STEAP2: variants seen among roughly 807,000 people sequenced by gnomAD.
STEAP2 encodes the protein STEAP2 metalloreductase, also known as metalloreductase STEAP2.
Under a neutral mutation model 46.4 loss-of-function variants are expected in STEAP2, and 30 were observed. The observed-to-expected ratio is 0.65, with a 90% confidence interval of 0.48 to 0.88. The LOEUF (loss-of-function observed/expected upper bound fraction) is 0.88. STEAP2 is among the 40% of genes least tolerant of loss of function. STEAP2 has a pLI of 0.00. For missense variants in STEAP2, 513 were observed against 579.3 expected (o/e 0.89, Z 1.18); for synonymous variants, 180 against 200.5 (o/e 0.90, Z 0.86).
At chr7:90,221,078 A>G (rs1795239915) in intron 2 of STEAP2, among the ~76,000 whole-genome samples, 1 of 152,162 alleles carries the variant, frequency 6.6e-6, no homozygotes, top group Non-Finnish European at 1.5e-5. Context: ...TGTGCTGATG[A>G]GAATTTGTAT....
Position 90,227,404 on chromosome 7 carries a change from G to A in STEAP2, c.926G>A (p.Ser309Asn). The A allele has an allele frequency of 6.2e-7, 1 of 1,612,742 alleles. No homozygotes were observed. ...TGTAGAAAACAGCTTGGATTACTAA[G>A]TTTTTTCTTCGCTATGGTCCATGTT... ...LQCRKQLGLL[S>N]FFFAMVHVAY... Residue 309 changes from serine to asparagine, a missense_variant, in exon 4 of 6, where the codon AGT becomes AAT. By Grantham distance (46) the Ser-to-Asn change is conservative. Transcript: ENST00000394621.
chr7:90,222,626 G>C (rs930354986), intron 2 of STEAP2, among the ~76,000 whole-genome samples: 2 of 152,146 alleles, frequency 1.3e-5, no homozygotes, highest in African/African-American at 4.8e-5. Flanking sequence ...CTGTCTCTTA[G>C]GGTGGTTGTG....
In STEAP2 at chr7:90,234,667, C is replaced by T. The variant is rs1013703623; in HGVS notation, c.*2043C>T. 29 of 556,260 alleles carry T rather than the reference C, an allele frequency of 5.2e-5. No individual in the cohort carries two copies. In the African/African-American group the frequency reaches 5.4e-4, roughly 10 times the overall value. The allele number at this position is 556,260 out of a possible 1,614,324, so 34.5% of individuals were successfully genotyped here. On this transcript the variant is annotated 3_prime_UTR_variant, in exon 6 of 6. Transcript: ENST00000394621. ...CCGGGTTCACGCCATTCTCCTGCCT[C>T]AGCCTCCCGAGTAGCTGGGACTACA...
At position 90,234,178 on chromosome 7, in the gene STEAP2, C is replaced by T. The variant is rs1055207855; in HGVS notation, c.*1554C>T. 6 of 985,222 alleles carry T rather than the reference C, an allele frequency of 6.1e-6. No individual in the cohort carries two copies. In the Admixed American group the frequency reaches 3.7e-4, roughly 61 times the overall value. The allele number at this position is 985,222 out of a possible 1,614,324, so 61.0% of individuals were successfully genotyped here. A position where few individuals can be genotyped will look rare whatever the true frequency, so the allele number is the denominator to read the frequency against. On this transcript the variant is annotated 3_prime_UTR_variant, in exon 6 of 6. Coordinates refer to ENST00000394621, the MANE Select transcript of STEAP2 (RefSeq NM_001244944.2). ...GGGTAAGTGGCTAATTATAAATCTA[C>T]TCTAGAGACATATAATCATACAGAT...
chr7:90,220,758 C>T (rs1051856189), intron 2 of STEAP2, among the ~76,000 whole-genome samples: 2 of 151,986 alleles, frequency 1.3e-5, no homozygotes, highest in African/African-American at 4.8e-5. Flanking sequence ...GGTGTAGGTG[C>T]TTGTTGATAT....
Position 90,235,390 on chromosome 7 carries a change from T to G in STEAP2, c.*2766T>G. The stretch of plus-strand genomic sequence containing the variant: ...ACTATGATGTTTAGTTGCTTTATTT[T>G]ACCTCTATGTGATTATTTTTCTTAA... On this transcript the variant is annotated 3_prime_UTR_variant, in exon 6 of 6. Coordinates refer to ENST00000394621, the MANE Select transcript of STEAP2 (RefSeq NM_001244944.2). 1 of 969,502 alleles carries G rather than the reference T, an allele frequency of 1.0e-6. No individual in the cohort carries two copies. The highest frequency in any genetic ancestry group is 1.2e-6 in the Non-Finnish European group (1 of 815,316). 60.1% of individuals were successfully genotyped at this position (969,502 alleles called of 1,614,324 possible). A position where few individuals can be genotyped will look rare whatever the true frequency, so the allele number is the denominator to read the frequency against.
In STEAP2 at chr7:90,237,613, T is replaced by G. The variant is rs1167834239; in HGVS notation, c.*4989T>G. On this transcript the variant is annotated 3_prime_UTR_variant, in exon 6 of 6. Transcript: ENST00000394621. ...TTAAATAAAAAGTACTATTTAATGA[T>G]TTAACTTCTGTTTTGAAATGTTGTA... is the stretch of plus-strand genomic sequence containing the variant. The G allele has an allele frequency of 6.5e-6, 1 of 154,458 alleles. No individual in the cohort carries two copies. Among genetic ancestry groups the G allele is most frequent in the Non-Finnish European group, 1.4e-5 (1 of 69,404 alleles). The allele number at this position is 154,458 out of a possible 1,614,324, so 9.6% of individuals were successfully genotyped here.
chr7:90,238,660 T>G (rs1172449033), downstream of STEAP2, among the ~76,000 whole-genome samples: 1 of 152,236 alleles, frequency 6.6e-6, no homozygotes, highest in African/African-American at 2.4e-5. Context: ...TTTTCCTCAC[T>G]TCTGTTTCTC....
Position 90,232,345 on chromosome 7 carries a change from T to A in STEAP2, c.1194T>A (p.Leu398=). ...TCCTCTCCTGGCCCAAGTCTACACT[T>A]GGATATGTCGCTCTGCTCATAAGTA... ...WREFSFIQST[L]GYVALLISTF... is the part of the protein sequence containing the mutation. Residue 398 remains leucine, a synonymous_variant, in exon 6 of 6, where the codon CTT becomes CTA. Transcript: ENST00000394621. 1 of 1,601,308 alleles carries A rather than the reference T, an allele frequency of 6.2e-7. No homozygotes were observed.
At chr7:90,241,064 G>C (rs891243962), downstream of STEAP2, among the ~76,000 whole-genome samples, 3 of 152,110 alleles carry the variant, frequency 2.0e-5, no homozygotes, top group Admixed American at 2.0e-4. Context: ...TATTATTTGG[G>C]AACAAAGGAC....
At chr7:90,225,733 G>A (rs1795463042) in intron 3 of STEAP2, among the ~76,000 whole-genome samples, 159 bp downstream of exon 3, 1 of 152,066 alleles carries the variant, frequency 6.6e-6, no homozygotes, top group Non-Finnish European at 1.5e-5. Flanking sequence ...GACCTTGTAA[G>A]GGCACATTCC....
chr7:90,236,626 A>G lies in STEAP2; in HGVS notation c.*4002A>G. 1 of 1,143,310 alleles carries G rather than the reference A, an allele frequency of 8.7e-7. No individual in the cohort carries two copies. The highest frequency in any genetic ancestry group is 1.6e-5 in the African/African-American group (1 of 61,636). 70.8% of individuals were successfully genotyped at this position (1,143,310 alleles called of 1,614,324 possible). ...TGAATGGGTTCTTCACTTTTTTTTT[A>G]GTATGAGAAAATTATACAGTGCTTA... On this transcript the variant is annotated 3_prime_UTR_variant, in exon 6 of 6. Transcript: ENST00000394621.
At position 90,227,233 on chromosome 7, in the gene STEAP2, T is replaced by C. The variant is rs1418245275; in HGVS notation, c.755T>C (p.Ile252Thr). 1.2e-6 allele frequency: 2 copies of C among 1,613,856 alleles called. No homozygotes were observed. Among genetic ancestry groups the C allele is most frequent in the East Asian group, 2.2e-5 (1 of 44,876 alleles). Reference protein sequence around the residue: ...NQQSDFYKIPIEIVNKTLPIV... With the variant: ...NQQSDFYKIPTEIVNKTLPIV... ...CAGAGTGACTTTTACAAAATTCCTA[T>C]AGAGATTGTGAATAAAACCTTACCT... The change falls in exon 4 of 6, where the codon ATA becomes ACA. Residue 252 changes from isoleucine to threonine, a missense_variant. Coordinates refer to ENST00000394621, the MANE Select transcript of STEAP2 (RefSeq NM_001244944.2).
At chr7:90,242,179 T>C (rs1584259830), downstream of STEAP2, among the ~76,000 whole-genome samples, 1 of 152,140 alleles carries the variant, frequency 6.6e-6, no homozygotes, top group East Asian at 1.9e-4. Context: ...TCAGGGGTTT[T>C]TAAATGTTAG....
intron 1 of STEAP2, among the ~76,000 whole-genome samples, chr7:90,214,051 A>G (rs1005315051): frequency 1.3e-5 from 2 of 152,186 alleles, no homozygotes; most frequent in African/African-American, 2.4e-5. Context: ...GACGATTTAC[A>G]TTTTAAGATG....
Position 90,229,904 on chromosome 7 carries a change from G to T in STEAP2, c.1053G>T (p.Glu351Asp), listed in dbSNP as rs759796385. The T allele has an allele frequency of 2.9e-5, 47 of 1,613,082 alleles. No individual in the cohort carries two copies. In the South Asian group the frequency reaches 5.0e-4, roughly 17 times the overall value. Residue 351 changes from glutamate to aspartate, a missense_variant, in exon 5 of 6, where the codon GAG becomes GAT. By Grantham distance (45) the Glu-to-Asp change is conservative (BLOSUM62 2). Coordinates refer to ENST00000394621, the MANE Select transcript of STEAP2 (RefSeq NM_001244944.2). Reference sequence around the variant, plus strand: ...CAAATATTGAAAACTCTTGGAATGAGGAAGAAGTTTGGAGAATTGAAATGT... The same window carrying T: ...CAAATATTGAAAACTCTTGGAATGATGAAGAAGTTTGGAGAATTGAAATGT... ...VHANIENSWN[E>D]EEVWRIEMYI...
At chr7:90,242,501 T>C (rs1322511342), downstream of STEAP2, among the ~76,000 whole-genome samples, 2 of 152,112 alleles carry the variant, frequency 1.3e-5, no homozygotes, top group Non-Finnish European at 2.9e-5. Context: ...TCTTTCCTGA[T>C]CCTGAGATGC....
At chr7:90,212,828 AC>A (rs1237692350) in intron 1 of STEAP2, among the ~76,000 whole-genome samples, 1 of 38,816 alleles carries the variant, frequency 2.6e-5, no homozygotes, top group Non-Finnish European at 5.7e-5. Flanking sequence ...CCCCACCCCC[AC>A]CCCCACCCCC....
At chr7:90,225,017 TA>T in intron 2 of STEAP2, 32 bp from the exon 3 acceptor site, 2 of 1,542,538 alleles carry the variant, frequency 1.3e-6, no homozygotes, top group Non-Finnish European at 1.8e-6. Flanking sequence ...CAGTAATAGG[TA>T]ACTGATGACC....
Sources: allele counts gnomAD v4.1 joint callset (sites outside exome capture counted in the v4.1 genomes callset), GRCh38; gene constraint gnomAD v4.1.1; transcripts MANE v1.5; gene names NCBI Gene and HGNC (gene_info 2026-07-23, HGNC 2026-07-21).